The following NCKAP5 variants were observed in gnomAD, a reference collection of about 807,000 sequenced individuals.
NCKAP5 encodes the protein nck-associated protein 5.
In NCKAP5, 92 loss-of-function variants were observed where a neutral mutation model predicts 167.0. That is an observed-to-expected ratio of 0.55 (90% confidence interval 0.47 to 0.66). The LOEUF (loss-of-function observed/expected upper bound fraction) is 0.66. Ranked by LOEUF, NCKAP5 falls within the 30% of genes least tolerant of loss-of-function variation. The pLI is 0.00. For synonymous variants in NCKAP5, 891 were observed against 877.4 expected, an observed-to-expected ratio of 1.02 and a Z score of -0.27; for missense variants, 2,378 against 2,315.0, an observed-to-expected ratio of 1.03 and a Z score of -0.56.
intron 7 of NCKAP5, among the ~76,000 whole-genome samples, chr2:132,964,993 AAT>A (rs774723990): frequency 6.6e-6 from 1 of 152,150 alleles, no homozygotes. Flanking sequence ...ATTATGTAAA[AAT>A]ATGTCTTAAT....
At chr2:133,631,272 A>G in the NCKAP5 span, among the ~76,000 whole-genome samples, 1 of 152,200 alleles carries the variant, frequency 6.6e-6, no homozygotes, top group Non-Finnish European at 1.5e-5. Context: ...ATTTGCACAC[A>G]GTGTCTCACT....
intron 8 of NCKAP5, among the ~76,000 whole-genome samples, chr2:132,882,847 A>G (rs574512064): frequency 1.3e-5 from 2 of 152,194 alleles, no homozygotes; most frequent in African/African-American, 4.8e-5. Flanking sequence ...AAGATTCTTT[A>G]ATAGTGTCAT....
At chr2:133,203,511 C>A (rs1224083858) in intron 5 of NCKAP5, among the ~76,000 whole-genome samples, 1 of 151,910 alleles carries the variant, frequency 6.6e-6, no homozygotes, top group Non-Finnish European at 1.5e-5. Flanking sequence ...GCACATTGTG[C>A]ACATGTACCC....
At chr2:133,103,020 C>T (rs868294070) in intron 6 of NCKAP5, among the ~76,000 whole-genome samples, 1 of 152,190 alleles carries the variant, frequency 6.6e-6, no homozygotes, top group Non-Finnish European at 1.5e-5. Flanking sequence ...TATCACCTAG[C>T]ATATCTTCTA....
intron 4 of NCKAP5, among the ~76,000 whole-genome samples, chr2:133,263,295 A>C (rs1168445462): frequency 2.6e-5 from 4 of 151,958 alleles, no homozygotes; most frequent in Admixed American, 2.6e-4. Context: ...AAAAAAAAAA[A>C]AAAACTCTAC....
chr2:133,554,731 C>G (rs1413292331), intron 2 of NCKAP5, among the ~76,000 whole-genome samples: 2 of 152,134 alleles, frequency 1.3e-5, no homozygotes, highest in Non-Finnish European at 2.9e-5. Context: ...ATGACAAGAA[C>G]CAAGTTCATT....
At chr2:133,608,110 G>T in the NCKAP5 span, among the ~76,000 whole-genome samples, 1 of 152,082 alleles carries the variant, frequency 6.6e-6, no homozygotes, top group South Asian at 2.1e-4. Flanking sequence ...AGATAGAGTT[G>T]TTTATTCTAT....
At chr2:133,329,599 A>T (rs531023868) in intron 3 of NCKAP5, among the ~76,000 whole-genome samples, 1 of 152,306 alleles carries the variant, frequency 6.6e-6, no homozygotes, top group South Asian at 2.1e-4. Flanking sequence ...AAATGAGCAG[A>T]CTATATAAGC....
intron 3 of NCKAP5, among the ~76,000 whole-genome samples, chr2:133,475,899 G>T (rs1484006761): frequency 6.6e-6 from 1 of 152,170 alleles, no homozygotes; most frequent in East Asian, 1.9e-4. Flanking sequence ...AATGGGAAAA[G>T]GTATGTGTCA....
At chr2:133,668,332 G>A in the NCKAP5 span, among the ~76,000 whole-genome samples, 4 of 152,074 alleles carry the variant, frequency 2.6e-5, no homozygotes, top group South Asian at 2.1e-4. Context: ...GAAACACTAC[G>A]CTTAGCATTT....
chr2:133,491,853 A>G (rs1325064615), intron 3 of NCKAP5, among the ~76,000 whole-genome samples: 1 of 152,208 alleles, frequency 6.6e-6, no homozygotes, highest in Non-Finnish European at 1.5e-5. Flanking sequence ...TGTTTGCCAC[A>G]TATAGGTCTG....
the NCKAP5 span, among the ~76,000 whole-genome samples, chr2:133,656,572 C>T: frequency 1.3e-5 from 2 of 152,178 alleles, no homozygotes; most frequent in African/African-American, 4.8e-5. Flanking sequence ...AACCCCTCTC[C>T]TCCTGTCCCC....
At chr2:132,850,512 AC>A (rs1224045538) in intron 11 of NCKAP5, among the ~76,000 whole-genome samples, 2 of 151,718 alleles carry the variant, frequency 1.3e-5, no homozygotes, top group East Asian at 2.0e-4. Context: ...CAGCACTAAT[AC>A]CCTGGGCCTA....
chr2:132,774,470 T>A (rs532890863), intron 15 of NCKAP5, among the ~76,000 whole-genome samples: 1 of 147,190 alleles, frequency 6.8e-6, no homozygotes, highest in African/African-American at 2.5e-5. Context: ...GTGAGTCATT[T>A]ATCTAGATAT....
At chr2:132,900,595 T>G (rs1456952428) in intron 8 of NCKAP5, among the ~76,000 whole-genome samples, 1 of 152,174 alleles carries the variant, frequency 6.6e-6, no homozygotes, top group Non-Finnish European at 1.5e-5. Context: ...TTTTTAGAAT[T>G]AGAAGGGTTT....
intron 19 of NCKAP5, among the ~76,000 whole-genome samples, chr2:132,724,216 A>T (rs953373768): frequency 2.0e-5 from 3 of 152,074 alleles, no homozygotes; most frequent in African/African-American, 7.2e-5. Context: ...TCCAACTGCC[A>T]GCACTCTCAC....
rs895424737 is a variant in NCKAP5 at position 133,196,208 on chromosome 2, G to C, written c.207+17508C>G. 5.3e-5 allele frequency among the ~76,000 whole-genome samples: 8 copies of C among 152,132 alleles called. No individual in the cohort carries two copies. The South Asian group carries it at 1.5e-3, about 28-fold the overall frequency. ...CACAGAATCTTCAACTGGAAATGAT[G>C]GGTGAGAGAAAGAAGAACTTCTAAA... is the stretch of plus-strand genomic sequence containing the variant. On this transcript the variant is annotated intron_variant, in intron 5 of 19. Coordinates refer to ENST00000409261, the MANE Select transcript of NCKAP5 (RefSeq NM_207363.3).
intron 8 of NCKAP5, among the ~76,000 whole-genome samples, chr2:132,914,832 T>C (rs1279956579): frequency 1.3e-5 from 2 of 151,948 alleles, no homozygotes; most frequent in African/African-American, 4.8e-5. Context: ...CAGGAGGAAG[T>C]GTGATAGCCC....
At chr2:132,701,265 C>T (rs1687856051) in intron 19 of NCKAP5, among the ~76,000 whole-genome samples, 1 of 151,866 alleles carries the variant, frequency 6.6e-6, no homozygotes, top group African/African-American at 2.4e-5. Flanking sequence ...ACTGAAATAC[C>T]ACAGGTAATG....
Sources: allele counts gnomAD v4.1 joint callset (sites outside exome capture counted in the v4.1 genomes callset), GRCh38; gene constraint gnomAD v4.1.1; transcripts MANE v1.5; gene names NCBI Gene and HGNC (gene_info 2026-07-23, HGNC 2026-07-21).